Variants in LRRC18 observed in about 807,000 individuals in gnomAD.
LRRC18 encodes the protein leucine-rich repeat-containing protein 18.
A neutral mutation model predicts 11.2 loss-of-function variants in LRRC18; 12 were observed. That is an observed-to-expected ratio of 1.07 (90% CI 0.69 to 1.74). The LOEUF (loss-of-function observed/expected upper bound fraction) is 1.74. Ranked by LOEUF, LRRC18 falls within the 40% of genes most tolerant of loss-of-function variation. The pLI, the probability that LRRC18 is intolerant of heterozygous loss-of-function variation, is 0.00. For synonymous variants in LRRC18, 155 were observed against 130.6 expected, an observed-to-expected ratio of 1.19 and a Z score of -1.27; for missense variants, 374 against 330.5, an observed-to-expected ratio of 1.13 and a Z score of -1.02.
chr10:48,930,867 G>A, the LRRC18 span, among the ~76,000 whole-genome samples: 21 of 152,114 alleles, frequency 1.4e-4, no homozygotes, highest in Middle Eastern at 3.2e-3. Context: ...ACATTTGTCC[G>A]TGTGAGCCCT....
the LRRC18 span, among the ~76,000 whole-genome samples, chr10:48,933,223 C>A: frequency 6.6e-6 from 1 of 152,170 alleles, no homozygotes; most frequent in Non-Finnish European, 1.5e-5. Context: ...CAGGCTGGAA[C>A]TGCTAGAGGG....
chr10:48,936,338 T>G, the LRRC18 span, among the ~76,000 whole-genome samples: 1 of 152,082 alleles, frequency 6.6e-6, no homozygotes, highest in Non-Finnish European at 1.5e-5. Context: ...AATTTCTGAA[T>G]GAAGATGACT....
At chr10:48,934,960 C>G in the LRRC18 span, among the ~76,000 whole-genome samples, 1 of 152,180 alleles carries the variant, frequency 6.6e-6, no homozygotes, top group Non-Finnish European at 1.5e-5. Flanking sequence ...TAGCTAGCTG[C>G]CCTTCCTGAC....
chr10:48,914,825 T>G (rs1400041896), upstream of LRRC18, among the ~76,000 whole-genome samples: 1 of 152,176 alleles, frequency 6.6e-6, no homozygotes, highest in African/African-American at 2.4e-5. Flanking sequence ...GGTGTGCCAT[T>G]GCTGGGCCCA....
the LRRC18 span, among the ~76,000 whole-genome samples, chr10:48,937,136 C>T: frequency 0.01 from 1,593 of 152,158 alleles, 25 homozygotes; most frequent in African/African-American, 0.036. Context: ...TCAGGTGATC[C>T]GCCCACCTCG....
chr10:48,914,012 G>C, exon 1 of LRRC18: 1 of 1,614,190 alleles, frequency 6.2e-7, no homozygotes, highest in Non-Finnish European at 8.5e-7. Flanking sequence ...TGTCACTAAG[G>C]CGCAGAATAC....
At chr10:48,914,109 T>C in exon 1 of LRRC18, 2 of 1,614,226 alleles carry the variant, frequency 1.2e-6, no homozygotes, top group Non-Finnish European at 1.7e-6. Flanking sequence ...CCTGGCCACC[T>C]TGAGGGTGAT....
the LRRC18 span, among the ~76,000 whole-genome samples, chr10:48,935,561 C>A: frequency 6.6e-6 from 1 of 152,364 alleles, no homozygotes; most frequent in Non-Finnish European, 1.5e-5. Context: ...CATCACTCCC[C>A]TTTCTTCGAA....
upstream of LRRC18, among the ~76,000 whole-genome samples, chr10:48,918,546 C>G (rs1427706437): frequency 5.9e-5 from 9 of 152,140 alleles, no homozygotes; most frequent in African/African-American, 1.9e-4. Flanking sequence ...TGTGTATGTA[C>G]CTAACAGCAG....
exon 1 of LRRC18, chr10:48,913,823 G>C: frequency 6.2e-7 from 1 of 1,614,086 alleles, no homozygotes; most frequent in Non-Finnish European, 8.5e-7. Flanking sequence ...CGGGCAGCCC[G>C]TTGCTGGTCA....
At chr10:48,914,945 C>T (rs1589873603), upstream of LRRC18, among the ~76,000 whole-genome samples, 1 of 152,326 alleles carries the variant, frequency 6.6e-6, no homozygotes, top group East Asian at 1.9e-4. Context: ...ATCCTTCACA[C>T]TGGACTTCAA....
the LRRC18 span, among the ~76,000 whole-genome samples, chr10:48,934,026 G>C: frequency 8.5e-4 from 130 of 152,224 alleles, 3 homozygotes; most frequent in South Asian, 0.025. Flanking sequence ...CTGTCTCAGT[G>C]CCTCCCATCT....
At chr10:48,915,176 A>G (rs972055762), upstream of LRRC18, among the ~76,000 whole-genome samples, 3 of 152,226 alleles carry the variant, frequency 2.0e-5, no homozygotes, top group Non-Finnish European at 4.4e-5. Flanking sequence ...ATCTAATACT[A>G]TAAAGCACTT....
the LRRC18 span, among the ~76,000 whole-genome samples, chr10:48,934,068 G>A: frequency 6.6e-6 from 1 of 152,226 alleles, no homozygotes; most frequent in African/African-American, 2.4e-5. Context: ...AACCCAGAAG[G>A]CATGTGATCA....
At chr10:48,925,831 C>A in the LRRC18 span, among the ~76,000 whole-genome samples, 1 of 152,204 alleles carries the variant, frequency 6.6e-6, no homozygotes, top group Non-Finnish European at 1.5e-5. Context: ...CTCTATCATT[C>A]ACTCATGGTA....
At chr10:48,914,556 T>C (rs1838329295), upstream of LRRC18, among the ~76,000 whole-genome samples, 1 of 152,142 alleles carries the variant, frequency 6.6e-6, no homozygotes, top group South Asian at 2.1e-4. Context: ...GAGCCATGTG[T>C]GTGTGTTCTT....
At chr10:48,920,215 A>C in the LRRC18 span, among the ~76,000 whole-genome samples, 1 of 152,198 alleles carries the variant, frequency 6.6e-6, no homozygotes, top group East Asian at 1.9e-4. Context: ...CTGGTAATAG[A>C]AAGGCCCTTC....
chr10:48,920,893 AAAT>A, the LRRC18 span, among the ~76,000 whole-genome samples: 3 of 152,236 alleles, frequency 2.0e-5, no homozygotes, highest in Admixed American at 2.0e-4. Flanking sequence ...GAATTATGAA[AAAT>A]AATAATGCTC....
chr10:48,915,610 G>A (rs1838448301), upstream of LRRC18, among the ~76,000 whole-genome samples: 1 of 152,090 alleles, frequency 6.6e-6, no homozygotes, highest in South Asian at 2.1e-4. Flanking sequence ...AGGCTGTGTG[G>A]GAATATAGTT....
Sources: allele counts gnomAD v4.1 joint callset (sites outside exome capture counted in the v4.1 genomes callset), GRCh38; gene constraint gnomAD v4.1.1; transcripts MANE v1.5; gene names NCBI Gene and HGNC (gene_info 2026-07-23, HGNC 2026-07-21).